KLHDC1: variants seen among roughly 807,000 people sequenced by gnomAD.
The protein encoded by KLHDC1 is kelch domain containing 1.
Under a neutral mutation model 68.3 loss-of-function variants are expected in KLHDC1, and 53 were observed. The observed-to-expected ratio is 0.78, with a 90% CI of 0.62 to 0.98. KLHDC1 has a LOEUF of 0.98. KLHDC1 is among the 50% of genes least tolerant of loss of function. The pLI is 0.00. For missense variants in KLHDC1, 470 were observed against 492.3 expected, an observed-to-expected ratio of 0.95 and a Z score of 0.43; for synonymous variants, 148 against 159.0, an observed-to-expected ratio of 0.93 and a Z score of 0.52.
At chr14:49,714,928 A>G (rs893381701) in intron 4 of KLHDC1, among the ~76,000 whole-genome samples, 42 of 147,454 alleles carry the variant, frequency 2.8e-4, no homozygotes, top group Non-Finnish European at 5.7e-4. Context: ...TTCCATATAT[A>G]TGGAAATTAC....
At chr14:49,706,997 A>G (rs1310320726) in intron 1 of KLHDC1, among the ~76,000 whole-genome samples, 1 of 152,088 alleles carries the variant, frequency 6.6e-6, no homozygotes, top group African/African-American at 2.4e-5. Flanking sequence ...ATATGATCCC[A>G]TTTGTCCATT....
chr14:49,695,520 G>C (rs750218167), intron 1 of KLHDC1, among the ~76,000 whole-genome samples: 5 of 152,186 alleles, frequency 3.3e-5, no homozygotes, highest in Non-Finnish European at 5.9e-5. Flanking sequence ...CTGTCAAAGA[G>C]ACATGCTGTC....
intron 10 of KLHDC1, among the ~76,000 whole-genome samples, chr14:49,738,655 T>C (rs561418091): frequency 6.6e-6 from 1 of 152,276 alleles, no homozygotes; most frequent in Non-Finnish European, 1.5e-5. Flanking sequence ...GCCTCATGTT[T>C]GCTTTTGTTA....
At chr14:49,725,407 A>T (rs1888642167) in intron 5 of KLHDC1, among the ~76,000 whole-genome samples, 1 of 152,306 alleles carries the variant, frequency 6.6e-6, no homozygotes, top group African/African-American at 2.4e-5. Context: ...AATTTTAAAA[A>T]AGATAATCCT....
chr14:49,753,066 TTTTA>T lies in KLHDC1; in HGVS notation c.*1301_*1304del, dbSNP rs1484690184. 3.9e-5 allele frequency: 6 copies of T among 152,178 alleles called. No homozygotes were observed. The highest frequency in any genetic ancestry group is 7.4e-5 in the Non-Finnish European group (5 of 68,018). 9.4% of individuals were successfully genotyped at this position (152,178 alleles called of 1,614,324 possible). A position where few individuals can be genotyped will look rare whatever the true frequency, so the allele number is the denominator to read the frequency against. On this transcript the variant is annotated 3_prime_UTR_variant, in exon 13 of 13. Coordinates refer to ENST00000359332, the MANE Select transcript of KLHDC1 (RefSeq NM_172193.3). ...CTATGTATTGAAATATTTTTTTACG[TTTTA>T]TTTATTGTACAAAGTGTATATAATT... is the stretch of plus-strand genomic sequence containing the variant.
chr14:49,739,512 G>A (rs1889009457), intron 10 of KLHDC1, among the ~76,000 whole-genome samples: 1 of 152,164 alleles, frequency 6.6e-6, no homozygotes, highest in Non-Finnish European at 1.5e-5. Context: ...AGAGTGATGA[G>A]TAGTGTGACA....
intron 4 of KLHDC1, among the ~76,000 whole-genome samples, chr14:49,715,253 G>A (rs1888339889): frequency 6.6e-6 from 1 of 150,654 alleles, no homozygotes; most frequent in South Asian, 2.1e-4. Flanking sequence ...CTCCCGAATA[G>A]CTGGGATTAC....
chr14:49,725,679 CT>C lies in KLHDC1; in HGVS notation c.484-3del. 2 of 1,421,520 alleles carry C rather than the reference CT, an allele frequency of 1.4e-6. No individual in the cohort carries two copies. Among genetic ancestry groups the C allele is most frequent in the Non-Finnish European group, 9.8e-7 (1 of 1,024,560 alleles). The allele number at this position is 1,421,520 out of a possible 1,614,324, so 88.1% of individuals were successfully genotyped here. On this transcript the variant is annotated splice_region_variant and splice_polypyrimidine_tract_variant and intron_variant, in intron 5 of 12. Transcript: ENST00000359332. Reference sequence around the variant, plus strand: ...GCTTTGAGATATTTAAAACATTTCTCTTTTAGGAAGAGCAGATATTCTGGGG... The same window carrying C: ...GCTTTGAGATATTTAAAACATTTCTCTTTAGGAAGAGCAGATATTCTGGGG...
rs575196196 is a variant in KLHDC1 at position 49,725,582 on chromosome 14, T to G, written c.484-104T>G. On this transcript the variant is annotated intron_variant, in intron 5 of 12. Transcript: ENST00000359332. Reference sequence around the variant, plus strand: ...TGACTATGGTAACACTTAACTCTATTTTTGTAAGGTGTCTGTTATTTTACC... The same window carrying G: ...TGACTATGGTAACACTTAACTCTATGTTTGTAAGGTGTCTGTTATTTTACC... The G allele has an allele frequency of 1.2e-5, 8 of 689,678 alleles. No homozygotes were observed. In the Admixed American group the frequency reaches 2.6e-4, roughly 23 times the overall value. 42.7% of individuals were successfully genotyped at this position (689,678 alleles called of 1,614,324 possible).
At chr14:49,738,276 T>C (rs1888978873) in intron 10 of KLHDC1, among the ~76,000 whole-genome samples, 1 of 152,134 alleles carries the variant, frequency 6.6e-6, no homozygotes, top group Admixed American at 6.6e-5. Flanking sequence ...AAATAATTTG[T>C]ATATCTAATG....
intron 1 of KLHDC1, among the ~76,000 whole-genome samples, chr14:49,698,014 G>A (rs1038125762): frequency 9.2e-5 from 14 of 152,046 alleles, no homozygotes; most frequent in African/African-American, 2.9e-4. Flanking sequence ...TATTTCCACC[G>A]TTTATTCTTG....
At chr14:49,713,829 TATATATATATATATATATATA>T (rs1488230019) in intron 4 of KLHDC1, among the ~76,000 whole-genome samples, 97 of 9,744 alleles carry the variant, frequency 1.0e-2, no homozygotes, top group South Asian at 0.014. Context: ...TATATATATA[TATATATATATATATATATATA>T]TTTTTTTTTT....
At chr14:49,732,219 C>T (rs1888826483) in intron 8 of KLHDC1, among the ~76,000 whole-genome samples, 1 of 151,800 alleles carries the variant, frequency 6.6e-6, no homozygotes, top group Non-Finnish European at 1.5e-5. Flanking sequence ...GTCACCCAGG[C>T]TGGAGTGCAG....
intron 11 of KLHDC1, among the ~76,000 whole-genome samples, chr14:49,741,517 G>A (rs1429655337): frequency 6.6e-6 from 1 of 151,898 alleles, no homozygotes; most frequent in Non-Finnish European, 1.5e-5. Context: ...GTGTTGGTCA[G>A]GCTGGTCTTG....
chr14:49,740,525 G>T (rs1039008545), intron 11 of KLHDC1, among the ~76,000 whole-genome samples: 1 of 152,082 alleles, frequency 6.6e-6, no homozygotes, highest in Non-Finnish European at 1.5e-5. Flanking sequence ...TTTTAGTAGA[G>T]AGACGGGGTT....
chr14:49,709,198 A>C lies in KLHDC1; in HGVS notation c.136A>C (p.Ile46Leu), dbSNP rs1337931558. 7.3e-7 allele frequency: 1 copy of C among 1,377,786 alleles called. No homozygotes were observed. Among genetic ancestry groups the C allele is most frequent in the African/African-American group, 1.5e-5 (1 of 68,952 alleles). 85.3% of individuals were successfully genotyped at this position (1,377,786 alleles called of 1,614,324 possible). The change falls in exon 2 of 13, where the codon ATT becomes CTT. Residue 46 changes from isoleucine to leucine, a missense_variant. Transcript: ENST00000359332. ...DNEVYLPNDE[I>L]WTYDIDSGLW... ...TGAAGTATATTTGCCTAATGATGAA[A>C]TTTGGACCTATGATATTGATAGTGG...
intron 8 of KLHDC1, among the ~76,000 whole-genome samples, chr14:49,730,259 T>A (rs1393157631): frequency 7.0e-6 from 1 of 142,524 alleles, no homozygotes; most frequent in African/African-American, 2.6e-5. Context: ...AGTCTTGCTC[T>A]GTCACCAGGC....
chr14:49,704,369 TA>T (rs1887988559), intron 1 of KLHDC1, among the ~76,000 whole-genome samples: 1 of 150,616 alleles, frequency 6.6e-6, no homozygotes, highest in African/African-American at 2.4e-5. Context: ...CTTGTCTTTT[TA>T]TTTTTTTTCC....
At chr14:49,715,757 A>ATATATATATATATATAT (rs1206512681) in intron 4 of KLHDC1, among the ~76,000 whole-genome samples, 3 of 123,584 alleles carry the variant, frequency 2.4e-5, no homozygotes, top group Admixed American at 9.4e-5. Flanking sequence ...AAAAAAAAAA[A>ATATATATATATATATAT]AAAAAAAAAT....
Sources: allele counts gnomAD v4.1 joint callset (sites outside exome capture counted in the v4.1 genomes callset), GRCh38; gene constraint gnomAD v4.1.1; transcripts MANE v1.5; gene names NCBI Gene and HGNC (gene_info 2026-07-23, HGNC 2026-07-21).